Variants in RXFP1 observed in about 807,000 individuals in gnomAD.
RXFP1 encodes the protein relaxin family peptide receptor 1.
A neutral mutation model predicts 89.8 loss-of-function variants in RXFP1; 73 were observed. The ratio of observed to expected loss-of-function variants is 0.81; its 90% CI spans 0.67 to 0.99. The LOEUF (loss-of-function observed/expected upper bound fraction) is 0.99, where lower values mean the gene tolerates loss of function less well. Ranked by LOEUF, RXFP1 falls within the 50% of genes least tolerant of loss-of-function variation. The probability of loss-of-function intolerance (pLI) is 0.00; values close to 1 mark genes in which losing one functional copy is unlikely to be tolerated. For synonymous variants in RXFP1, 277 were observed against 305.5 expected, an observed-to-expected ratio of 0.91 and a Z score of 0.97; for missense variants, 793 against 895.5, an observed-to-expected ratio of 0.89 and a Z score of 1.46.
Position 158,647,153 on chromosome 4 carries a change from G to A in RXFP1, c.1708G>A (p.Asp570Asn). ...AGTATGCTTCCCTCTTCATTCAGAA[G>A]ATACAGAAAGTATTGGAGCCCAGAT... ...NGVCFPLHSE[D>N]TESIGAQIYS... The change falls in exon 16 of 18, where the codon GAT becomes AAT. Residue 570 changes from aspartate (D) to asparagine (N), a missense_variant. Transcript: ENST00000307765. The A allele has an allele frequency of 6.2e-7, 1 of 1,610,184 alleles. No individual in the cohort carries two copies. Among genetic ancestry groups the A allele is most frequent in the Non-Finnish European group, 8.5e-7 (1 of 1,178,580 alleles).
At chr4:158,533,939 C>A (rs551769201) in intron 1 of RXFP1, among the ~76,000 whole-genome samples, 1 of 152,180 alleles carries the variant, frequency 6.6e-6, no homozygotes, top group East Asian at 1.9e-4. Flanking sequence ...TTATTCAAAG[C>A]GTGAAAAATC....
chr4:158,543,188 C>T (rs143352263), intron 1 of RXFP1, among the ~76,000 whole-genome samples: 229 of 152,284 alleles, frequency 1.5e-3, no homozygotes, highest in African/African-American at 4.1e-3. Flanking sequence ...CAGCCATGCC[C>T]TGAGGCTCCT....
At chr4:158,531,416 C>T (rs1384985596) in intron 1 of RXFP1, among the ~76,000 whole-genome samples, 1 of 152,190 alleles carries the variant, frequency 6.6e-6, no homozygotes, top group African/African-American at 2.4e-5. Flanking sequence ...TCACTCAGCC[C>T]CTCACTCCTG....
At chr4:158,573,268 A>G (rs1755510848) in intron 2 of RXFP1, among the ~76,000 whole-genome samples, 1 of 152,120 alleles carries the variant, frequency 6.6e-6, no homozygotes, top group African/African-American at 2.4e-5. Context: ...TCTTCCTCCC[A>G]TAGTGCCGGG....
At chr4:158,640,143 G>A (rs978202297) in intron 14 of RXFP1, among the ~76,000 whole-genome samples, 1 of 152,222 alleles carries the variant, frequency 6.6e-6, no homozygotes, top group Non-Finnish European at 1.5e-5. Flanking sequence ...TATTGGGTGA[G>A]ATGATTTTAG....
chr4:158,574,568 C>A (rs1290088927), intron 2 of RXFP1, among the ~76,000 whole-genome samples: 2 of 152,330 alleles, frequency 1.3e-5, no homozygotes, highest in South Asian at 4.1e-4. Flanking sequence ...CACCTGGAAA[C>A]CCCGTTGTAA....
intron 2 of RXFP1, among the ~76,000 whole-genome samples, chr4:158,578,414 A>G (rs921613432): frequency 1.3e-5 from 2 of 152,240 alleles, no homozygotes; most frequent in African/African-American, 4.8e-5. Flanking sequence ...ACCTGAGAGA[A>G]TACATCTGGG....
chr4:158,634,272 G>C (rs558591096), intron 12 of RXFP1, among the ~76,000 whole-genome samples: 1 of 152,222 alleles, frequency 6.6e-6, no homozygotes, highest in South Asian at 2.1e-4. Flanking sequence ...CCAGTGATTA[G>C]TGATGTTGAG....
intron 1 of RXFP1, among the ~76,000 whole-genome samples, chr4:158,550,228 C>T (rs533519206): frequency 5.9e-5 from 9 of 152,200 alleles, no homozygotes; most frequent in Non-Finnish European, 1.0e-4. Flanking sequence ...AGCGAGACTC[C>T]GTGGGCATAG....
chr4:158,625,466 A>G (rs1294647909), intron 9 of RXFP1, among the ~76,000 whole-genome samples: 2 of 152,158 alleles, frequency 1.3e-5, no homozygotes, highest in Non-Finnish European at 2.9e-5. Context: ...TCGATCAGTC[A>G]ATCTAATTTT....
At chr4:158,548,006 G>T (rs928298956) in intron 1 of RXFP1, among the ~76,000 whole-genome samples, 2 of 152,292 alleles carry the variant, frequency 1.3e-5, no homozygotes, top group Non-Finnish European at 2.9e-5. Flanking sequence ...GGGTATCCTT[G>T]TTAACTTTCT....
chr4:158,531,105 T>G (rs1282722335), intron 1 of RXFP1, among the ~76,000 whole-genome samples: 1 of 152,190 alleles, frequency 6.6e-6, no homozygotes, highest in African/African-American at 2.4e-5. Flanking sequence ...GATGCAATCT[T>G]GGCTCACTGC....
At chr4:158,596,688 C>T (rs1579931375) in intron 3 of RXFP1, among the ~76,000 whole-genome samples, 2 of 152,258 alleles carry the variant, frequency 1.3e-5, no homozygotes, top group South Asian at 4.1e-4. Context: ...GACAAAAGTT[C>T]AGTGGTGAGT....
chr4:158,581,943 G>T (rs1757447055), intron 2 of RXFP1, among the ~76,000 whole-genome samples: 1 of 152,204 alleles, frequency 6.6e-6, no homozygotes, highest in Non-Finnish European at 1.5e-5. Flanking sequence ...TGTGTGCAAA[G>T]ATTACATAGC....
chr4:158,638,762 C>T (rs921020593), intron 13 of RXFP1, among the ~76,000 whole-genome samples: 4 of 150,516 alleles, frequency 2.7e-5, no homozygotes, highest in South Asian at 4.2e-4. Context: ...TGCAGTAAGC[C>T]CTGTTCATAC....
intron 1 of RXFP1, among the ~76,000 whole-genome samples, chr4:158,553,967 G>A (rs1750712702): frequency 6.6e-6 from 1 of 152,010 alleles, no homozygotes; most frequent in Non-Finnish European, 1.5e-5. Context: ...CCTGGGCACC[G>A]CTGACATTTT....
intron 12 of RXFP1, among the ~76,000 whole-genome samples, chr4:158,635,874 A>G (rs954613026): frequency 6.6e-6 from 1 of 151,320 alleles, no homozygotes; most frequent in Non-Finnish European, 1.5e-5. Context: ...GTTTTTGTAG[A>G]GATGGGGGCC....
chr4:158,557,197 T>C (rs909201395), intron 1 of RXFP1, among the ~76,000 whole-genome samples: 1 of 152,206 alleles, frequency 6.6e-6, no homozygotes, highest in African/African-American at 2.4e-5. Flanking sequence ...CCTTAAAATA[T>C]GTATAATTAC....
chr4:158,651,821 C>T lies in RXFP1; in HGVS notation c.2040C>T (p.Leu680=), dbSNP rs750575936. 15 of 1,614,068 alleles carry T rather than the reference C, an allele frequency of 9.3e-6. No individual in the cohort carries two copies. Among genetic ancestry groups the T allele is most frequent in the South Asian group, 2.2e-5 (2 of 91,080 alleles). ...TTAACAGTGCTTTGAACCCAATTCT[C>T]TATACTCTGACCACAAGACCATTTA... The part of the protein sequence containing the change: ...LPINSALNPI[L]YTLTTRPFKE... The change falls in exon 18 of 18, where the codon CTC becomes CTT. Residue 680 remains leucine (L), a synonymous_variant. Transcript: ENST00000307765.
Sources: gnomAD v4.1 joint callset for allele counts (sites outside exome capture counted in the v4.1 genomes callset) on GRCh38, gnomAD v4.1.1 for gene constraint, MANE v1.5 for transcripts, NCBI Gene and HGNC (gene_info 2026-07-23, HGNC 2026-07-21) for gene names.